The following FGF13 variants were observed in gnomAD, a reference collection of about 807,000 sequenced individuals.
FGF13 encodes fibroblast growth factor 13, also known as fibroblast growth factor homologous factor 2.
Under a neutral mutation model 19.5 loss-of-function variants are expected in FGF13, and 2 were observed. The ratio of observed to expected loss-of-function variants is 0.10; its 90% CI spans 0.04 to 0.32. FGF13 has a LOEUF of 0.32. Among genes scored for constraint, FGF13 ranks in the 10% least tolerant of loss-of-function variants. FGF13 has a pLI of 1.00. For missense variants in FGF13, 113 were observed against 192.7 expected (o/e 0.59, Z 2.45); for synonymous variants, 72 against 76.9 (o/e 0.94, Z 0.33).
rs34651307 is a variant in FGF13 at position 139,017,339 on chromosome X, G to GTATATATATATATA, written c.-112-152703_-112-152690dup. Among the ~76,000 whole-genome samples the GTATATATATATATA allele has an allele frequency of 1.7e-3, 166 of 100,183 alleles. 2 individuals are homozygous for GTATATATATATATA. The highest frequency in any genetic ancestry group is 6.0e-3 in the African/African-American group (161 of 27,032). The allele number at this position is 100,183 out of a possible 115,157, so 87.0% of individuals were successfully genotyped here. A position where few individuals can be genotyped will look rare whatever the true frequency, so the allele number is the denominator to read the frequency against. On this transcript the variant is annotated intron_variant, in intron 1 of 2. Coordinates refer to the FGF13 transcript ENST00000421460. ...ATATATGTATTACATATACATGTAT[G>GTATATATATATATA]TATATATATATATACACACACACAC...
intron 3 of FGF13, among the ~76,000 whole-genome samples, chrX:138,813,565 T>C (rs192452169): frequency 8.9e-6 from 1 of 112,242 alleles, no homozygotes; most frequent in Admixed American, 9.5e-5. Context: ...TTAATGAAGC[T>C]TGGATAAACA....
intron 1 of FGF13, among the ~76,000 whole-genome samples, chrX:138,996,633 C>A (rs895113694): frequency 2.7e-5 from 3 of 112,684 alleles, no homozygotes; most frequent in Non-Finnish European, 5.6e-5. Flanking sequence ...CTAGATTCTA[C>A]CTCTAGATGT....
At chrX:139,135,179 C>T (rs2148235714) in intron 1 of FGF13, among the ~76,000 whole-genome samples, 1 of 112,147 alleles carries the variant, frequency 8.9e-6, no homozygotes, top group East Asian at 2.8e-4. Context: ...TTTAGAAAGC[C>T]AAAGATAGAT....
At position 138,984,592 on chromosome X, in the gene FGF13, A is replaced by AAGAAGAAGAG. The variant is rs1569436193; in HGVS notation, c.-112-119943_-112-119942insCTCTTCTTCT. Among the ~76,000 whole-genome samples the AAGAAGAAGAG allele has an allele frequency of 1.0e-4, 3 of 29,757 alleles. 1 individual carries two copies. The highest frequency in any genetic ancestry group is 3.6e-4 in the African/African-American group (3 of 8,270). The allele number at this position is 29,757 out of a possible 115,157, so 25.8% of individuals were successfully genotyped here. A position where few individuals can be genotyped will look rare whatever the true frequency, so the allele number is the denominator to read the frequency against. ...AAGAAGAAGAAGAAGAAGAAGAAGG[A>AAGAAGAAGAG]GGAGGAGGAGGAGGAGGAGGAGGAT... On this transcript the variant is annotated intron_variant, in intron 1 of 2. Transcript: ENST00000421460.
chrX:138,795,386 T>C (rs1213961142), intron 3 of FGF13, among the ~76,000 whole-genome samples: 1 of 112,474 alleles, frequency 8.9e-6, no homozygotes, highest in Admixed American at 9.5e-5. Flanking sequence ...CTTTGTACTA[T>C]AAGTTATTCC....
intron 1 of FGF13, among the ~76,000 whole-genome samples, chrX:138,887,989 C>T (rs1055934003): frequency 4.5e-5 from 5 of 112,092 alleles, no homozygotes; most frequent in African/African-American, 1.6e-4. Flanking sequence ...CTTCTCCTGC[C>T]GTTATAGTTT....
intron 1 of FGF13, among the ~76,000 whole-genome samples, chrX:138,871,748 T>G (rs1409403321): frequency 9.1e-6 from 1 of 110,442 alleles, no homozygotes; most frequent in Non-Finnish European, 1.9e-5. Context: ...GGTCCTGAGA[T>G]AGGAGTGTGA....
At chrX:139,169,617 T>G (rs187950603) in intron 1 of FGF13, among the ~76,000 whole-genome samples, 1 of 111,226 alleles carries the variant, frequency 9.0e-6, no homozygotes, top group Non-Finnish European at 1.9e-5. Context: ...AGCCACTGCG[T>G]CTGGCCCTGC....
rs1449099320 is a variant in FGF13, at chrX:139,017,076, A to ATG, written c.-112-152428_-112-152427dup. ...TGTATATACAAACATACACATATAC[A>ATG]TGTGTGTATATATATATATACACAC... On this transcript the variant is annotated intron_variant, in intron 1 of 2. Coordinates refer to the FGF13 transcript ENST00000421460. 5.7e-4 allele frequency among the ~76,000 whole-genome samples: 23 copies of ATG among 40,548 alleles called. No homozygotes were observed. The South Asian group carries it at 7.4e-3, about 13-fold the overall frequency. The allele number at this position is 40,548 out of a possible 115,157, so 35.2% of individuals were successfully genotyped here. A position where few individuals can be genotyped will look rare whatever the true frequency, so the allele number is the denominator to read the frequency against.
chrX:138,738,362 A>G (rs2090295439), intron 1 of FGF13, among the ~76,000 whole-genome samples: 1 of 112,306 alleles, frequency 8.9e-6, no homozygotes, highest in Admixed American at 9.4e-5. Context: ...AAGGGTTTCA[A>G]TGAAAGTGTT....
At chrX:139,050,710 C>CA (rs1379714182) in intron 1 of FGF13, among the ~76,000 whole-genome samples, 3 of 112,022 alleles carry the variant, frequency 2.7e-5, no homozygotes, top group Non-Finnish European at 5.6e-5. Flanking sequence ...TGTATTCTGA[C>CA]AAAATCTAGA....
chrX:138,781,274 A>G (rs2090639559), intron 3 of FGF13, among the ~76,000 whole-genome samples: 1 of 109,067 alleles, frequency 9.2e-6, no homozygotes, highest in Non-Finnish European at 1.9e-5. Context: ...AGCAAGAGCA[A>G]ACACATTCAA....
At chrX:138,885,959 G>C (rs2091449744) in intron 1 of FGF13, among the ~76,000 whole-genome samples, 1 of 111,132 alleles carries the variant, frequency 9.0e-6, no homozygotes, top group African/African-American at 3.3e-5. Flanking sequence ...CACTTCCAGT[G>C]CATTCGTTTC....
At chrX:139,184,858 T>C (rs1398985796) in intron 1 of FGF13, among the ~76,000 whole-genome samples, 1 of 112,553 alleles carries the variant, frequency 8.9e-6, no homozygotes, top group Non-Finnish European at 1.9e-5. Flanking sequence ...GAATGAACAA[T>C]CTTTTTCATT....
At chrX:138,984,179 G>A (rs917536860) in intron 1 of FGF13, among the ~76,000 whole-genome samples, 4 of 110,928 alleles carry the variant, frequency 3.6e-5, no homozygotes, top group Middle Eastern at 4.7e-3. Flanking sequence ...AGGCCAAGGC[G>A]GGCAGATCAC....
chrX:138,626,004 C>T lies in FGF13; in HGVS notation c.*6846G>A, dbSNP rs1010810661. ...GAATTAGTAGGGCAATCTTCTATAGCCTAATAGGCAAGGTTGTGAATCATA... is the reference window on the plus strand; with the variant it reads ...GAATTAGTAGGGCAATCTTCTATAGTCTAATAGGCAAGGTTGTGAATCATA... On this transcript the variant is annotated 3_prime_UTR_variant, in exon 5 of 5. Coordinates refer to ENST00000315930, the MANE Select transcript of FGF13 (RefSeq NM_004114.5). 22 of 111,388 alleles carry T rather than the reference C, an allele frequency of 2.0e-4. No individual in the cohort carries two copies. The highest frequency in any genetic ancestry group is 6.9e-4 in the African/African-American group (21 of 30,549). The allele number at this position is 111,388 out of a possible 1,213,427, so 9.2% of individuals were successfully genotyped here.
chrX:138,987,357 T>C, intron 1 of FGF13, among the ~76,000 whole-genome samples: 1 of 111,941 alleles, frequency 8.9e-6, no homozygotes, highest in East Asian at 2.8e-4. Flanking sequence ...AATAAGCCTC[T>C]GGGTTATTCT....
At chrX:138,777,763 G>C (rs1183475593) in intron 3 of FGF13, among the ~76,000 whole-genome samples, 1 of 111,583 alleles carries the variant, frequency 9.0e-6, no homozygotes, top group Non-Finnish European at 1.9e-5. Flanking sequence ...CCAGAACCTT[G>C]ACGCCAAATC....
intron 1 of FGF13, among the ~76,000 whole-genome samples, chrX:139,028,648 T>A (rs2092212100): frequency 1.9e-5 from 1 of 51,826 alleles, no homozygotes; most frequent in African/African-American, 7.5e-5. Flanking sequence ...TGTGTGTGTG[T>A]GTGAGAGAGA....
Sources: gnomAD v4.1 joint callset for allele counts (sites outside exome capture counted in the v4.1 genomes callset) on GRCh38, gnomAD v4.1.1 for gene constraint, MANE v1.5 for transcripts, NCBI Gene and HGNC (gene_info 2026-07-23, HGNC 2026-07-21) for gene names.